The following GSN variants were observed in gnomAD, a reference collection of about 807,000 sequenced individuals.
The protein encoded by GSN is actin-depolymerizing factor.
GSN carries 56 observed loss-of-function variants against 85.7 expected under a neutral mutation model. That is an observed-to-expected ratio of 0.65 (90% CI 0.53 to 0.82). The LOEUF (loss-of-function observed/expected upper bound fraction) is 0.82, where lower values mean the gene tolerates loss of function less well. Ranked by LOEUF, GSN falls within the 40% of genes least tolerant of loss-of-function variation. GSN has a pLI of 0.00. For missense variants in GSN, 857 were observed against 979.8 expected (o/e 0.87, Z 1.67); for synonymous variants, 373 against 399.1 (o/e 0.93, Z 0.78).
At chr9:121,210,027 A>G (rs1443168168) in intron 2 of GSN, among the ~76,000 whole-genome samples, 2 of 152,206 alleles carry the variant, frequency 1.3e-5, no homozygotes, top group Non-Finnish European at 2.9e-5. Flanking sequence ...GTCAAGATTC[A>G]TCTAGAGGTG....
In GSN at chr9:121,256,056, T is replaced by A. The variant is rs112671281; in HGVS notation, c.-341+7733T>A. On this transcript the variant is annotated intron_variant, in intron 6 of 24. Coordinates refer to the GSN transcript ENST00000373823. ...GAGAGATGGTGAGTTCTCGGTAAAG[T>A]GGGGCTGGGGGAGATCTACTCTCTT... 4.8e-3 allele frequency among the ~76,000 whole-genome samples: 716 copies of A among 150,316 alleles called. 5 individuals carry two copies. The highest frequency in any genetic ancestry group is 5.2e-3 in the Non-Finnish European group (352 of 67,254).
chr9:121,216,533 C>G (rs934899962), intron 4 of GSN, among the ~76,000 whole-genome samples: 1 of 152,236 alleles, frequency 6.6e-6, no homozygotes, highest in African/African-American at 2.4e-5. Flanking sequence ...ACTCTCCTAC[C>G]TGCCTGCTTT....
At chr9:121,239,667 A>G (rs962736398) in intron 5 of GSN, 2 of 302,926 alleles carry the variant, frequency 6.6e-6, no homozygotes, top group Middle Eastern at 5.1e-4. Flanking sequence ...TGGCCATCGC[A>G]TGATATCAAA....
intron 4 of GSN, among the ~76,000 whole-genome samples, chr9:121,215,720 A>G (rs2054051797): frequency 6.6e-6 from 1 of 152,002 alleles, no homozygotes; most frequent in East Asian, 1.9e-4. Flanking sequence ...GAAGATTTTA[A>G]GAGCTCTCCA....
At chr9:121,204,994 T>G (rs1239727631), upstream of GSN, among the ~76,000 whole-genome samples, 1 of 152,246 alleles carries the variant, frequency 6.6e-6, no homozygotes, top group Non-Finnish European at 1.5e-5. Context: ...CCTATTGTCC[T>G]GGATCTGTTG....
At chr9:121,257,399 T>C (rs544865361) in intron 6 of GSN, among the ~76,000 whole-genome samples, 1 of 152,322 alleles carries the variant, frequency 6.6e-6, no homozygotes, top group South Asian at 2.1e-4. Context: ...GAATCAAAGA[T>C]GATAAGTAAC....
intron 6 of GSN, among the ~76,000 whole-genome samples, chr9:121,260,608 AG>A (rs1417846316): frequency 1.3e-5 from 2 of 152,206 alleles, no homozygotes; most frequent in African/African-American, 4.8e-5. Flanking sequence ...TTTATGAGCC[AG>A]GTATAATCTC....
intron 6 of GSN, among the ~76,000 whole-genome samples, chr9:121,254,688 A>G (rs1175173996): frequency 1.3e-5 from 2 of 152,210 alleles, no homozygotes; most frequent in African/African-American, 4.8e-5. Context: ...AGCAATGAGC[A>G]CACGTAGCAA....
chr9:121,323,559 G>A (rs920942622), intron 11 of GSN, among the ~76,000 whole-genome samples: 6 of 97,736 alleles, frequency 6.1e-5, no homozygotes, highest in Admixed American at 9.5e-5. Context: ...TAGTAGAGAC[G>A]GAGTTTCACC....
At chr9:121,223,072 A>G (rs1246888648) in intron 4 of GSN, 1 of 152,068 alleles carries the variant, frequency 6.6e-6, no homozygotes, top group Non-Finnish European at 1.5e-5. Context: ...TTCCCTTACC[A>G]GTCCGGCGTT....
chr9:121,215,335 CATT>C (rs983960219), intron 4 of GSN, among the ~76,000 whole-genome samples: 6 of 151,684 alleles, frequency 4.0e-5, no homozygotes, highest in African/African-American at 1.5e-4. Flanking sequence ...TTCAACATAT[CATT>C]TTTTTTTCTT....
intron 6 of GSN, among the ~76,000 whole-genome samples, chr9:121,254,509 C>A (rs892393102): frequency 6.6e-6 from 1 of 152,196 alleles, no homozygotes; most frequent in Non-Finnish European, 1.5e-5. Context: ...AAAAGCAGAG[C>A]CTCTTTACCT....
intron 1 of GSN, among the ~76,000 whole-genome samples, chr9:121,279,533 G>T (rs910459029): frequency 1.3e-5 from 2 of 152,038 alleles, no homozygotes; most frequent in Admixed American, 6.6e-5. Context: ...AAGACATGGT[G>T]ATACACTGGA....
At chr9:121,262,317 G>A (rs1008993756) in intron 6 of GSN, among the ~76,000 whole-genome samples, 3 of 152,178 alleles carry the variant, frequency 2.0e-5, no homozygotes, top group Non-Finnish European at 4.4e-5. Context: ...CCTAGCTGTG[G>A]AAGCTTAAGC....
chr9:121,231,758 A>G (rs1366507485), intron 5 of GSN, among the ~76,000 whole-genome samples: 1 of 152,044 alleles, frequency 6.6e-6, no homozygotes, highest in South Asian at 2.1e-4. Context: ...GAGAGAAGGG[A>G]AAGATGGGAA....
chr9:121,324,730 C>A (rs1271551730), intron 12 of GSN, 86 bp downstream of exon 12: 1 of 723,974 alleles, frequency 1.4e-6, no homozygotes, highest in South Asian at 1.5e-5. Context: ...TCCATCCATT[C>A]GTTTGTCCAT....
chr9:121,206,789 C>CT (rs2053888160), upstream of GSN, among the ~76,000 whole-genome samples: 2 of 152,166 alleles, frequency 1.3e-5, no homozygotes, highest in Non-Finnish European at 2.9e-5. Flanking sequence ...AAGTCTGGCT[C>CT]TGTCACCCAG....
In GSN at chr9:121,329,276, G is replaced by A. The variant is rs2063617299; in HGVS notation, c.1926G>A (p.Leu642=). ...EVPGELMQED[L]ATDDVMLLDT... is the part of the protein sequence containing the mutation. Reference sequence around the variant, plus strand: ...CTGGTGAGCTCATGCAGGAAGACCTGGCAACGGATGACGTCATGCTTCTGG... The same window carrying A: ...CTGGTGAGCTCATGCAGGAAGACCTAGCAACGGATGACGTCATGCTTCTGG... The change falls in exon 16 of 18, where the codon CTG becomes CTA. Residue 642 remains leucine (L), a synonymous_variant. Transcript: ENST00000432226. The surrounding 1 kb of genome is among the most constrained non-coding windows in gnomAD (Gnocchi z 4.6). The A allele has an allele frequency of 1.2e-6, 2 of 1,612,278 alleles. No homozygotes were observed. Among genetic ancestry groups the A allele is most frequent in the Middle Eastern group, 1.7e-4 (1 of 6,052 alleles).
chr9:121,202,901 C>T (rs907029242), upstream of GSN, among the ~76,000 whole-genome samples: 1 of 151,966 alleles, frequency 6.6e-6, no homozygotes, highest in Non-Finnish European at 1.5e-5. Context: ...CCACGACGGG[C>T]GGATCACGAG....
Sources: gnomAD v4.1 joint callset for allele counts (sites outside exome capture counted in the v4.1 genomes callset) on GRCh38, gnomAD v4.1.1 for gene constraint, Gnocchi (gnomAD v3.1) non-coding constraint, MANE v1.5 for transcripts, NCBI Gene and HGNC (gene_info 2026-07-23, HGNC 2026-07-21) for gene names.